The following PPP1R9A variants were observed in gnomAD, a reference collection of about 807,000 sequenced individuals.
PPP1R9A encodes the protein protein phosphatase 1 regulatory subunit 9A, also known as neurabin-1.
In PPP1R9A, 59 loss-of-function variants were observed where a neutral mutation model predicts 141.9. The ratio of observed to expected loss-of-function variants is 0.42; its 90% confidence interval spans 0.34 to 0.52. PPP1R9A has a LOEUF of 0.52. PPP1R9A is among the 20% of genes least tolerant of loss of function. PPP1R9A has a pLI of 0.10. For missense variants in PPP1R9A, 1,444 were observed against 1,611.9 expected (o/e 0.90, Z 1.78); for synonymous variants, 500 against 569.7 (o/e 0.88, Z 1.74).
At chr7:95,280,399 A>G (rs558826491) in intron 16 of PPP1R9A, among the ~76,000 whole-genome samples, 3 of 152,354 alleles carry the variant, frequency 2.0e-5, no homozygotes, top group Non-Finnish European at 4.4e-5. Flanking sequence ...CCTGTATTCA[A>G]AGTTAGAATG....
intron 2 of PPP1R9A, among the ~76,000 whole-genome samples, chr7:94,931,499 A>G (rs1584266771): frequency 6.6e-6 from 1 of 152,206 alleles, no homozygotes; most frequent in Non-Finnish European, 1.5e-5. Flanking sequence ...AATACTAGGT[A>G]TACTAACCAA....
intron 4 of PPP1R9A, among the ~76,000 whole-genome samples, chr7:95,142,025 A>T (rs574932239): frequency 3.9e-4 from 60 of 152,166 alleles, no homozygotes; most frequent in African/African-American, 1.4e-3. Context: ...TTACATCCTC[A>T]TGAGCGCTTG....
At chr7:95,296,404 C>T (rs1807105762), downstream of PPP1R9A, 1 of 152,574 alleles carries the variant, frequency 6.6e-6, no homozygotes, top group Non-Finnish European at 1.5e-5. Flanking sequence ...ATACTGAGGT[C>T]TGTTGAAGCA....
chr7:94,984,846 G>C (rs949565208), intron 2 of PPP1R9A, among the ~76,000 whole-genome samples: 2 of 151,948 alleles, frequency 1.3e-5, no homozygotes, highest in Non-Finnish European at 2.9e-5. Flanking sequence ...GTTCTTTTCT[G>C]ATCTTAGTTA....
chr7:95,069,391 A>G (rs1483412639), intron 2 of PPP1R9A, among the ~76,000 whole-genome samples: 1 of 152,086 alleles, frequency 6.6e-6, no homozygotes, highest in Non-Finnish European at 1.5e-5. Context: ...GTAGGGCTAC[A>G]CTTTAGATAG....
At chr7:95,193,443 T>A (rs1265032740) in intron 5 of PPP1R9A, among the ~76,000 whole-genome samples, 1 of 151,994 alleles carries the variant, frequency 6.6e-6, no homozygotes, top group Non-Finnish European at 1.5e-5. Flanking sequence ...TAGGGCAAAT[T>A]GAGAAAGCGA....
At chr7:95,054,638 C>G (rs1277493388) in intron 2 of PPP1R9A, among the ~76,000 whole-genome samples, 1 of 152,006 alleles carries the variant, frequency 6.6e-6, no homozygotes, top group Admixed American at 6.6e-5. Flanking sequence ...GCTCCCTGGT[C>G]CCTGCTTGTC....
In PPP1R9A at chr7:95,084,854, C is replaced by A. The variant is rs370051457; in HGVS notation, c.1396-26405C>A. Among the ~76,000 whole-genome samples, 66 of 152,036 alleles carry A rather than the reference C, an allele frequency of 4.3e-4. 2 individuals are homozygous for A. In the South Asian group the frequency reaches 0.013, roughly 31 times the overall value. On this transcript the variant is annotated intron_variant, in intron 2 of 19. Coordinates refer to ENST00000433360, the MANE Select transcript of PPP1R9A (RefSeq NM_001166160.2). The stretch of plus-strand genomic sequence containing the variant: ...ATTAAGATTGTTTATAATTCATCAC[C>A]ATCGCAAACCATGCTGCAGTGAGTA...
chr7:94,909,413 G>A (rs1791202904), intron 1 of PPP1R9A, among the ~76,000 whole-genome samples: 1 of 152,280 alleles, frequency 6.6e-6, no homozygotes, highest in Admixed American at 6.5e-5. Flanking sequence ...TGCCGCTGTA[G>A]GCATGTTTTG....
chr7:95,021,192 T>C (rs1458967795), intron 2 of PPP1R9A, among the ~76,000 whole-genome samples: 1 of 152,190 alleles, frequency 6.6e-6, no homozygotes, highest in African/African-American at 2.4e-5. Flanking sequence ...TGGTGTCTCA[T>C]TGTGGTTTTG....
chr7:94,944,506 T>C (rs527842665), intron 2 of PPP1R9A, among the ~76,000 whole-genome samples: 1 of 132,666 alleles, frequency 7.5e-6, no homozygotes, highest in East Asian at 2.4e-4. Flanking sequence ...AAGTGAGTCA[T>C]CGTTCTTTAG....
At chr7:95,019,964 C>T (rs1805670404) in intron 2 of PPP1R9A, among the ~76,000 whole-genome samples, 1 of 152,042 alleles carries the variant, frequency 6.6e-6, no homozygotes, top group Non-Finnish European at 1.5e-5. Flanking sequence ...TATCCATCAA[C>T]AGGTGAATGG....
chr7:95,288,822 T>C, intron 19 of PPP1R9A, 104 bp downstream of exon 19: 2 of 1,330,160 alleles, frequency 1.5e-6, no homozygotes, highest in Non-Finnish European at 2.0e-6. Flanking sequence ...ATCTGAGAGG[T>C]AATTCTCATC....
rs148185039 is a variant in PPP1R9A, at chr7:95,084,981, G to A, written c.1396-26278G>A. On this transcript the variant is annotated intron_variant, in intron 2 of 19. Transcript: ENST00000433360. ...TTAGGTTCGTATATGTATCTTTACC[G>A]TTAGTGTCTGTTGTCACATTACTTA... is the stretch of plus-strand genomic sequence containing the variant. Among the ~76,000 whole-genome samples the A allele has an allele frequency of 4.1e-3, 624 of 151,942 alleles. 12 individuals carry two copies. Among genetic ancestry groups the A allele is most frequent in the African/African-American group, 0.014 (585 of 41,310 alleles).
chr7:95,100,819 G>A (rs1409339884), intron 2 of PPP1R9A, among the ~76,000 whole-genome samples: 1 of 146,540 alleles, frequency 6.8e-6, no homozygotes, highest in African/African-American at 2.5e-5. Context: ...TAATGCTTTT[G>A]ACACATCCCC....
intron 2 of PPP1R9A, among the ~76,000 whole-genome samples, chr7:94,991,280 T>C (rs1454008863): frequency 2.0e-5 from 3 of 152,208 alleles, no homozygotes; most frequent in Admixed American, 6.5e-5. Flanking sequence ...TGATTAGTGA[T>C]GTTGAGCATT....
chr7:95,223,786 T>C (rs977150528), intron 7 of PPP1R9A, among the ~76,000 whole-genome samples: 3 of 152,044 alleles, frequency 2.0e-5, no homozygotes, highest in Non-Finnish European at 4.4e-5. Context: ...GCCTTCATAA[T>C]AAAGGCTTGG....
rs541224160 is a variant in PPP1R9A at position 94,997,178 on chromosome 7, A to C, written c.1395+85670A>C. Among the ~76,000 whole-genome samples, 5 of 152,076 alleles carry C rather than the reference A, an allele frequency of 3.3e-5. No individual in the cohort carries two copies. In the South Asian group the frequency reaches 1.0e-3, roughly 32 times the overall value. On this transcript the variant is annotated intron_variant, in intron 2 of 19. Transcript: ENST00000433360. ...ATCTTCCATTTTTTAAATCATATTC[A>C]TATTTTGTTGTAAATATTTGAGCCT...
chr7:95,277,440 G>T (rs1281762009), intron 16 of PPP1R9A, among the ~76,000 whole-genome samples: 1 of 152,114 alleles, frequency 6.6e-6, no homozygotes, highest in Non-Finnish European at 1.5e-5. Flanking sequence ...TTGTTTGTTT[G>T]TTTGTTTGAG....
Sources: allele counts gnomAD v4.1 joint callset (sites outside exome capture counted in the v4.1 genomes callset), GRCh38; gene constraint gnomAD v4.1.1; transcripts MANE v1.5; gene names NCBI Gene and HGNC (gene_info 2026-07-23, HGNC 2026-07-21).